The following KLHL24 variants were observed in gnomAD, a reference collection of about 807,000 sequenced individuals.
KLHL24 encodes the protein kelch like family member 24.
Under a neutral mutation model 53.4 loss-of-function variants are expected in KLHL24, and 29 were observed. That is an observed-to-expected ratio of 0.54 (90% CI 0.40 to 0.74). KLHL24 has a LOEUF of 0.74. Among genes scored for constraint, KLHL24 ranks in the 30% least tolerant of loss-of-function variants. KLHL24 has a pLI of 0.00. For missense variants in KLHL24, 504 were observed against 744.0 expected (o/e 0.68, Z 3.75); for synonymous variants, 222 against 253.7 (o/e 0.88, Z 1.19).
intron 2 of KLHL24, among the ~76,000 whole-genome samples, chr3:183,648,884 T>A (rs1227352074): frequency 6.6e-6 from 1 of 152,086 alleles, no homozygotes; most frequent in Non-Finnish European, 1.5e-5. Context: ...GTGCCTGTAG[T>A]CCCAGCTACT....
intron 3 of KLHL24, among the ~76,000 whole-genome samples, chr3:183,657,127 A>T (rs1298937267): frequency 6.6e-6 from 1 of 152,166 alleles, no homozygotes; most frequent in Non-Finnish European, 1.5e-5. Flanking sequence ...AGCACCTACC[A>T]TAATGATTCC....
Position 183,682,964 on chromosome 3 carries a change from G to C in KLHL24, c.*3678G>C, listed in dbSNP as rs1003670356. 6.6e-6 allele frequency: 1 copy of C among 151,450 alleles called. No individual in the cohort carries two copies. Among genetic ancestry groups the C allele is most frequent in the Non-Finnish European group, 1.5e-5 (1 of 67,928 alleles). 9.4% of individuals were successfully genotyped at this position (151,450 alleles called of 1,614,324 possible). ...TTTTTTTTTTTTTTGGGGAAGGGGG[G>C]AGAACGGGGTCTTGCTCTGTCGCCC... On this transcript the variant is annotated 3_prime_UTR_variant, in exon 8 of 8. Coordinates refer to ENST00000242810, the MANE Select transcript of KLHL24 (RefSeq NM_017644.3).
chr3:183,639,441 T>C (rs1388845641), intron 1 of KLHL24, among the ~76,000 whole-genome samples: 20 of 148,258 alleles, frequency 1.3e-4, no homozygotes, highest in Admixed American at 2.7e-4. Flanking sequence ...CCATCCTGGC[T>C]AACACGGAGA....
rs1246966488 is a variant in KLHL24 at position 183,670,949 on chromosome 3, A to C, written c.1225-85A>C. The C allele has an allele frequency of 3.4e-6, 3 of 880,920 alleles. No individual in the cohort carries two copies. The African/African-American group carries it at 5.0e-5, about 15-fold the overall frequency. The allele number at this position is 880,920 out of a possible 1,614,324, so 54.6% of individuals were successfully genotyped here. ...TTTATTTAGCAAGGGCATTTTAAAG[A>C]GAAGAGATCCCTTAATTCTTTAGCC... On this transcript the variant is annotated intron_variant, in intron 5 of 7. Coordinates refer to ENST00000242810, the MANE Select transcript of KLHL24 (RefSeq NM_017644.3).
At chr3:183,659,174 A>T (rs1379531830) in intron 3 of KLHL24, among the ~76,000 whole-genome samples, 1 of 152,004 alleles carries the variant, frequency 6.6e-6, no homozygotes, top group African/African-American at 2.4e-5. Context: ...ACTCTAATGT[A>T]TCCAAATTCT....
intron 3 of KLHL24, among the ~76,000 whole-genome samples, chr3:183,652,520 T>G (rs1329342288): frequency 6.6e-6 from 1 of 152,212 alleles, no homozygotes; most frequent in Non-Finnish European, 1.5e-5. Flanking sequence ...ATGTTAAGTA[T>G]ATTTACATTG....
rs1226681984 is a variant in KLHL24 at position 183,662,969 on chromosome 3, C to T, written c.921-489C>T. ...GACTTTGTATTTTAAAAACTAATTT[C>T]TGAACAAGTACATATACATATTCCT... On this transcript the variant is annotated intron_variant, in intron 3 of 7. Coordinates refer to ENST00000242810, the MANE Select transcript of KLHL24 (RefSeq NM_017644.3). Among the ~76,000 whole-genome samples, 3 of 152,038 alleles carry T rather than the reference C, an allele frequency of 2.0e-5. No homozygotes were observed. In the East Asian group the frequency reaches 5.8e-4, roughly 29 times the overall value.
chr3:183,641,716 G>A (rs2108764854), intron 1 of KLHL24, among the ~76,000 whole-genome samples: 1 of 152,018 alleles, frequency 6.6e-6, no homozygotes, highest in South Asian at 2.1e-4. Flanking sequence ...TTTGTTTTCT[G>A]GTATTAGTTT....
intron 7 of KLHL24, among the ~76,000 whole-genome samples, chr3:183,675,217 C>A (rs1040950611): frequency 1.6e-4 from 25 of 151,988 alleles, no homozygotes; most frequent in African/African-American, 6.0e-4. Flanking sequence ...ATCTTATTTG[C>A]AAGATACATT....
intron 7 of KLHL24, among the ~76,000 whole-genome samples, chr3:183,678,152 CTG>C (rs1282469435): frequency 6.6e-6 from 1 of 152,192 alleles, no homozygotes. Context: ...TATATAGTAA[CTG>C]TGTTATTGAC....
intron 2 of KLHL24, 94 bp downstream of exon 2, chr3:183,643,636 A>G (rs1367001803): frequency 6.6e-6 from 1 of 152,218 alleles, no homozygotes; most frequent in Non-Finnish European, 1.5e-5. Flanking sequence ...TAAGCCAATC[A>G]GATAACAAGG....
intron 1 of KLHL24, among the ~76,000 whole-genome samples, chr3:183,640,148 A>C (rs1716152035): frequency 6.6e-6 from 1 of 152,256 alleles, no homozygotes. Context: ...TTAGCAAGAT[A>C]AAACCAAACA....
intron 7 of KLHL24, among the ~76,000 whole-genome samples, chr3:183,678,657 C>T (rs1712321845): frequency 6.6e-6 from 1 of 152,024 alleles, no homozygotes; most frequent in African/African-American, 2.4e-5. Flanking sequence ...TTTCCTGATC[C>T]TCTTCCTCCC....
At position 183,683,519 on chromosome 3, in the gene KLHL24, T is replaced by C. The variant is rs1712903400; in HGVS notation, c.*4233T>C. ...GTAGGTTTGACTAGCTAGCTATCAT[T>C]ATTGTCACATCTAATGCTAGGCACC... On this transcript the variant is annotated 3_prime_UTR_variant, in exon 8 of 8. Transcript: ENST00000242810. 6.6e-6 allele frequency: 1 copy of C among 152,646 alleles called. No individual in the cohort carries two copies. The highest frequency in any genetic ancestry group is 2.4e-5 in the African/African-American group (1 of 41,444). 9.5% of individuals were successfully genotyped at this position (152,646 alleles called of 1,614,324 possible).
intron 2 of KLHL24, among the ~76,000 whole-genome samples, chr3:183,648,806 A>G (rs1717694627): frequency 6.6e-6 from 1 of 152,142 alleles, no homozygotes; most frequent in Admixed American, 6.5e-5. Flanking sequence ...GTTCAAGACC[A>G]GCCTGGGCAA....
chr3:183,641,962 T>C (rs372744372), intron 1 of KLHL24, among the ~76,000 whole-genome samples: 2 of 152,238 alleles, frequency 1.3e-5, no homozygotes, highest in African/African-American at 4.8e-5. Flanking sequence ...AATTGCCTTA[T>C]GCTTTCTACC....
chr3:183,680,684 T>G lies in KLHL24; in HGVS notation c.*1398T>G, dbSNP rs1712588283. ...CAGTTTTCAGAGAGGAATGTGAATT[T>G]TTTTTCTAATGCAAATAAATGGATA... On this transcript the variant is annotated 3_prime_UTR_variant, in exon 8 of 8. Coordinates refer to ENST00000242810, the MANE Select transcript of KLHL24 (RefSeq NM_017644.3). 3 of 152,196 alleles carry G rather than the reference T, an allele frequency of 2.0e-5. No individual in the cohort carries two copies. Among genetic ancestry groups the G allele is most frequent in the Non-Finnish European group, 4.4e-5 (3 of 68,034 alleles). 9.4% of individuals were successfully genotyped at this position (152,196 alleles called of 1,614,324 possible). A position where few individuals can be genotyped will look rare whatever the true frequency, so the allele number is the denominator to read the frequency against.
In KLHL24 at chr3:183,660,933, C is replaced by T. The variant is rs186434784; in HGVS notation, c.921-2525C>T. On this transcript the variant is annotated intron_variant, in intron 3 of 7. Coordinates refer to ENST00000242810, the MANE Select transcript of KLHL24 (RefSeq NM_017644.3). ...AAAAGCAATTAGCCGGGCGTGGTGGCGGGCTCCTGTAGTCCCAGCTACTTG... is the reference window on the plus strand; with the variant it reads ...AAAAGCAATTAGCCGGGCGTGGTGGTGGGCTCCTGTAGTCCCAGCTACTTG... Among the ~76,000 whole-genome samples, 225 of 147,946 alleles carry T rather than the reference C, an allele frequency of 1.5e-3. 4 individuals carry two copies. The highest frequency in any genetic ancestry group is 7.8e-3 in the South Asian group (37 of 4,718).
At chr3:183,666,342 G>C (rs929043744) in intron 5 of KLHL24, among the ~76,000 whole-genome samples, 3 of 151,916 alleles carry the variant, frequency 2.0e-5, no homozygotes, top group Non-Finnish European at 4.4e-5. Flanking sequence ...GCTCACTACA[G>C]CCTTGACCTC....
Sources: allele counts gnomAD v4.1 joint callset (sites outside exome capture counted in the v4.1 genomes callset), GRCh38; gene constraint gnomAD v4.1.1; transcripts MANE v1.5; gene names NCBI Gene and HGNC (gene_info 2026-07-23, HGNC 2026-07-21).